BPIFA2: variants seen among roughly 807,000 people sequenced by gnomAD.
BPIFA2 encodes BPI fold-containing family A member 2.
A neutral mutation model predicts 25.7 loss-of-function variants in BPIFA2; 20 were observed. That is an observed-to-expected ratio of 0.78 (90% CI 0.55 to 1.13). The LOEUF (loss-of-function observed/expected upper bound fraction) is 1.13. Among genes scored for constraint, BPIFA2 ranks in the 50% most tolerant of loss-of-function variants. The pLI is 0.00. For missense variants in BPIFA2, 300 were observed against 298.1 expected (o/e 1.01, Z -0.05); for synonymous variants, 126 against 124.3 (o/e 1.01, Z -0.09).
intron 3 of BPIFA2, 26 bp downstream of exon 3, chr20:33,173,102 T>G: frequency 6.2e-7 from 1 of 1,608,308 alleles, no homozygotes; most frequent in Non-Finnish European, 8.5e-7. Flanking sequence ...AGGGTGGAGA[T>G]CTTTGCTCTA....
At chr20:33,162,731 G>C (rs1983616432) in intron 1 of BPIFA2, among the ~76,000 whole-genome samples, 1 of 152,172 alleles carries the variant, frequency 6.6e-6, no homozygotes, top group Admixed American at 6.5e-5. Context: ...GACCCAAATT[G>C]AGGTCTGGCT....
At chr20:33,176,428 C>A (rs961963458) in intron 5 of BPIFA2, among the ~76,000 whole-genome samples, 14 of 152,142 alleles carry the variant, frequency 9.2e-5, no homozygotes, top group African/African-American at 3.4e-4. Flanking sequence ...CAGCTCTCAG[C>A]CCCTGTGGCC....
intron 2 of BPIFA2, among the ~76,000 whole-genome samples, chr20:33,171,544 A>C (rs936738061): frequency 6.6e-6 from 1 of 152,244 alleles, no homozygotes; most frequent in African/African-American, 2.4e-5. Context: ...TTTACAAGAA[A>C]AAAACAAACA....
At chr20:33,169,384 G>T in intron 2 of BPIFA2, 82 bp downstream of exon 2, 2 of 1,425,544 alleles carry the variant, frequency 1.4e-6, no homozygotes, top group Middle Eastern at 1.8e-4. Flanking sequence ...GCTGCCACCA[G>T]GGGCTACTCT....
At chr20:33,178,924 C>T (rs995452367) in intron 6 of BPIFA2, among the ~76,000 whole-genome samples, 2 of 152,166 alleles carry the variant, frequency 1.3e-5, no homozygotes, top group African/African-American at 4.8e-5. Flanking sequence ...CACACAGGAG[C>T]AAGAGATACT....
At chr20:33,165,545 T>A (rs978872295), upstream of BPIFA2, among the ~76,000 whole-genome samples, 1 of 152,146 alleles carries the variant, frequency 6.6e-6, no homozygotes, top group Non-Finnish European at 1.5e-5. Flanking sequence ...CTGGTCTCAG[T>A]AGGCTGCATG....
At chr20:33,173,353 G>A (rs953455555) in intron 3 of BPIFA2, among the ~76,000 whole-genome samples, 1 of 152,068 alleles carries the variant, frequency 6.6e-6, no homozygotes, top group Non-Finnish European at 1.5e-5. Flanking sequence ...CCATTTGCTG[G>A]TACACAAAGT....
intron 1 of BPIFA2, 55 bp from the exon 2 acceptor site, chr20:33,169,076 A>G: frequency 1.4e-6 from 2 of 1,416,600 alleles, no homozygotes; most frequent in African/African-American, 1.4e-5. Flanking sequence ...AACTCACTGA[A>G]GAGTCCATTT....
At chr20:33,164,663 C>T (rs1983673767), upstream of BPIFA2, among the ~76,000 whole-genome samples, 1 of 151,614 alleles carries the variant, frequency 6.6e-6, no homozygotes. Flanking sequence ...CTCTTTCCTT[C>T]CTCTCTCTTT....
At chr20:33,179,731 G>T in intron 7 of BPIFA2, 64 bp downstream of exon 7, 1 of 1,478,486 alleles carries the variant, frequency 6.8e-7, no homozygotes, top group Middle Eastern at 1.7e-4. Context: ...CACCCCATAA[G>T]CAGTTCTGGT....
At chr20:33,162,428 A>T (rs1191663108) in intron 1 of BPIFA2, among the ~76,000 whole-genome samples, 1 of 152,222 alleles carries the variant, frequency 6.6e-6, no homozygotes, top group Non-Finnish European at 1.5e-5. Context: ...ACTGTCTCAG[A>T]CAGCGGCCAT....
Position 33,169,317 on chromosome 20 carries a change from G to C in BPIFA2, c.157+15G>C, listed in dbSNP as rs552787762. 6.2e-7 allele frequency: 1 copy of C among 1,612,214 alleles called. No homozygotes were observed. The highest frequency in any genetic ancestry group is 1.7e-5 in the Admixed American group (1 of 60,012). On this transcript the variant is annotated intron_variant, in intron 2 of 8. Transcript: ENST00000354932. The stretch of plus-strand genomic sequence containing the variant: ...TACTCTTAAAGGTAAATCAACAAGG[G>C]TGATGAACAGTGTCACCTAAATTAG...
intron 1 of BPIFA2, among the ~76,000 whole-genome samples, chr20:33,162,669 A>G (rs959572977): frequency 1.1e-4 from 16 of 152,220 alleles, no homozygotes; most frequent in Admixed American, 1.0e-3. Flanking sequence ...GCAGGCCCAG[A>G]GAGGCAATGC....
In BPIFA2 at chr20:33,174,721, G is replaced by A. The variant is rs529968069; in HGVS notation, c.410+535G>A. On this transcript the variant is annotated intron_variant, in intron 4 of 8. Coordinates refer to ENST00000354932, the MANE Select transcript of BPIFA2 (RefSeq NM_080574.4). ...AGCTCAGGAGTTCGTGACCAGCCAG[G>A]ACAATATGACAAAACCCTGTCTCTA... is the stretch of plus-strand genomic sequence containing the variant. 2.0e-4 allele frequency among the ~76,000 whole-genome samples: 31 copies of A among 152,152 alleles called. 1 individual carries two copies. In the South Asian group the frequency reaches 5.8e-3, roughly 29 times the overall value.
chr20:33,172,434 A>G (rs6120133), intron 2 of BPIFA2, among the ~76,000 whole-genome samples: 9,724 of 151,896 alleles, frequency 0.064, 1,039 homozygotes, highest in African/African-American at 0.22. Flanking sequence ...TGCTCTGTGG[A>G]CCTGCTGGAA....
chr20:33,179,500 A>G, intron 6 of BPIFA2, 104 bp from the exon 7 acceptor site: 1 of 887,518 alleles, frequency 1.1e-6, no homozygotes, highest in Non-Finnish European at 1.9e-6. Flanking sequence ...ATCCCTAGAA[A>G]TGAGCTCATC....
At position 33,180,537 on chromosome 20, in the gene BPIFA2, ACCCAG is replaced by A; in HGVS notation, c.729_733del (p.Gln244AlafsTer18). 6.2e-7 allele frequency: 1 copy of A among 1,613,646 alleles called. No individual in the cohort carries two copies. Among genetic ancestry groups the A allele is most frequent in the Non-Finnish European group, 8.5e-7 (1 of 1,179,602 alleles). On this transcript the variant is annotated frameshift_variant, in exon 8 of 9. Coordinates refer to ENST00000354932, the MANE Select transcript of BPIFA2 (RefSeq NM_080574.4). LOFTEE classifies it high-confidence loss of function. ...TTCTTCAGATAATCCTCAGCACAAA[ACCCAG>A]CTGCAAACCCTCATCTGAAGAGGAC...
chr20:33,163,763 G>T (rs983225267), upstream of BPIFA2, among the ~76,000 whole-genome samples: 1 of 151,732 alleles, frequency 6.6e-6, no homozygotes, highest in East Asian at 1.9e-4. Context: ...TGGAGGTTGC[G>T]GTGAGCCGAG....
upstream of BPIFA2, among the ~76,000 whole-genome samples, chr20:33,166,090 C>T (rs2146448595): frequency 6.6e-6 from 1 of 152,274 alleles, no homozygotes; most frequent in African/African-American, 2.4e-5. Flanking sequence ...AATCTTGGCT[C>T]ACTGCAACAT....
Sources: gnomAD v4.1 joint callset for allele counts (sites outside exome capture counted in the v4.1 genomes callset) on GRCh38, gnomAD v4.1.1 for gene constraint, MANE v1.5 for transcripts, NCBI Gene and HGNC (gene_info 2026-07-23, HGNC 2026-07-21) for gene names.